The following ZNF804B variants were observed in gnomAD, a reference collection of about 807,000 sequenced individuals.
ZNF804B encodes zinc finger 804B.
Under a neutral mutation model 101.4 loss-of-function variants are expected in ZNF804B, and 80 were observed. The ratio of observed to expected loss-of-function variants is 0.79; its 90% CI spans 0.66 to 0.95. The LOEUF is 0.95. Among genes scored for constraint, ZNF804B ranks in the 40% least tolerant of loss-of-function variants. The pLI, the probability that ZNF804B is intolerant of heterozygous loss-of-function variation, is 0.00. For synonymous variants in ZNF804B, 622 were observed against 558.8 expected (o/e 1.11, Z -1.59); for missense variants, 1,673 against 1,561.9 (o/e 1.07, Z -1.20).
chr7:88,886,714 TTAAG>T lies in ZNF804B; in HGVS notation c.108+126634_108+126637del, dbSNP rs767845447. Among the ~76,000 whole-genome samples the T allele has an allele frequency of 1.6e-4, 25 of 151,518 alleles. No individual in the cohort carries two copies. The East Asian group carries it at 2.9e-3, about 18-fold the overall frequency. The stretch of plus-strand genomic sequence containing the variant: ...TCACAATGACAAGAAGATATTCTCT[TTAAG>T]TAATCTTAAGAAAACTATGAAAAGT... On this transcript the variant is annotated intron_variant, in intron 1 of 3. Coordinates refer to ENST00000333190, the MANE Select transcript of ZNF804B (RefSeq NM_181646.5).
At chr7:89,237,080 C>T (rs79864176) in intron 2 of ZNF804B, among the ~76,000 whole-genome samples, 7,207 of 151,348 alleles carry the variant, frequency 0.048, 548 homozygotes, top group African/African-American at 0.16. Context: ...GTGAAAATTA[C>T]GATAATAACA....
chr7:89,179,149 G>A (rs1788254691), intron 1 of ZNF804B, among the ~76,000 whole-genome samples: 1 of 152,024 alleles, frequency 6.6e-6, no homozygotes, highest in Admixed American at 6.5e-5. Context: ...TTTTATTTGG[G>A]TTAAATCTGC....
intron 1 of ZNF804B, among the ~76,000 whole-genome samples, chr7:89,022,490 C>T (rs1161483115): frequency 6.6e-6 from 1 of 151,976 alleles, no homozygotes; most frequent in East Asian, 1.9e-4. Context: ...CCTTCAATTA[C>T]TATATATTTT....
intron 1 of ZNF804B, among the ~76,000 whole-genome samples, chr7:89,198,396 T>A (rs569196786): frequency 5.4e-4 from 82 of 152,048 alleles, no homozygotes; most frequent in African/African-American, 1.8e-3. Context: ...TGCTCACTAT[T>A]TATGTTTACA....
At chr7:88,971,377 T>G (rs1370716604) in intron 1 of ZNF804B, among the ~76,000 whole-genome samples, 3 of 151,666 alleles carry the variant, frequency 2.0e-5, no homozygotes, top group Non-Finnish European at 3.0e-5. Flanking sequence ...AGACAATTTT[T>G]GACAATAAAG....
chr7:89,000,985 T>C (rs1007800209), intron 1 of ZNF804B, among the ~76,000 whole-genome samples: 30 of 147,516 alleles, frequency 2.0e-4, no homozygotes, highest in Non-Finnish European at 4.2e-4. Context: ...ATAATAAATG[T>C]ACAATCTATA....
At chr7:88,800,990 C>G (rs12672498) in intron 1 of ZNF804B, among the ~76,000 whole-genome samples, 8,448 of 147,550 alleles carry the variant, frequency 0.057, 437 homozygotes, top group East Asian at 0.3. Flanking sequence ...AAAGAAGAGG[C>G]TAACTCACAG....
intron 3 of ZNF804B, among the ~76,000 whole-genome samples, chr7:89,331,937 A>G (rs1371345662): frequency 6.6e-6 from 1 of 151,546 alleles, no homozygotes; most frequent in Non-Finnish European, 1.5e-5. Context: ...GTGCCCAAGA[A>G]CAAAAATTCA....
intron 1 of ZNF804B, among the ~76,000 whole-genome samples, chr7:88,793,055 AT>A (rs890045597): frequency 3.2e-4 from 48 of 152,184 alleles, no homozygotes; most frequent in Non-Finnish European, 4.9e-4. Flanking sequence ...TGAAAAAAAA[AT>A]AATAAAAAAT....
chr7:89,109,047 A>T (rs1215006711), intron 1 of ZNF804B, among the ~76,000 whole-genome samples: 1 of 152,188 alleles, frequency 6.6e-6, no homozygotes, highest in Non-Finnish European at 1.5e-5. Flanking sequence ...GGATGAAGTA[A>T]ATCATGTTTG....
At position 89,156,007 on chromosome 7, in the gene ZNF804B, CTT is replaced by C. The variant is rs1397864029; in HGVS notation, c.109-62146_109-62145del. On this transcript the variant is annotated intron_variant, in intron 1 of 3. Transcript: ENST00000333190. ...CCTTCCTTTCCTTCTTTCTTTCTTT[CTT>C]TCTCTCTTTCCTTTCTTTCTTTCTT... Among the ~76,000 whole-genome samples the C allele has an allele frequency of 1.1e-3, 130 of 117,556 alleles. 1 individual carries two copies. The highest frequency in any genetic ancestry group is 3.3e-3 in the African/African-American group (112 of 33,726). The allele number at this position is 117,556 out of a possible 152,430, so 77.1% of individuals were successfully genotyped here. A position where few individuals can be genotyped will look rare whatever the true frequency, so the allele number is the denominator to read the frequency against.
chr7:89,212,197 G>C (rs1377257323), intron 1 of ZNF804B, among the ~76,000 whole-genome samples: 2 of 151,632 alleles, frequency 1.3e-5, no homozygotes, highest in African/African-American at 4.9e-5. Context: ...TGTAGACTCA[G>C]GGGAAAATAG....
intron 1 of ZNF804B, among the ~76,000 whole-genome samples, chr7:88,966,965 T>C (rs1233389611): frequency 6.8e-6 from 1 of 147,942 alleles, no homozygotes; most frequent in Non-Finnish European, 1.5e-5. Context: ...ATTCTGGACT[T>C]TTTTTTTTTT....
At chr7:88,771,791 A>G (rs1231900847) in intron 1 of ZNF804B, among the ~76,000 whole-genome samples, 2 of 152,104 alleles carry the variant, frequency 1.3e-5, no homozygotes, top group African/African-American at 4.8e-5. Context: ...CATCATGTAG[A>G]TTTAGAACTG....
chr7:88,993,117 A>G (rs765447284), intron 1 of ZNF804B, among the ~76,000 whole-genome samples: 1 of 152,022 alleles, frequency 6.6e-6, no homozygotes, highest in Non-Finnish European at 1.5e-5. Context: ...TTCTTTATAT[A>G]TATGCTTTAT....
chr7:88,800,885 C>T (rs1790570123), intron 1 of ZNF804B, among the ~76,000 whole-genome samples: 2 of 151,850 alleles, frequency 1.3e-5, no homozygotes, highest in Admixed American at 1.3e-4. Context: ...GGTCTCTAGG[C>T]CAAAAATGTC....
intron 1 of ZNF804B, among the ~76,000 whole-genome samples, chr7:89,210,371 C>T (rs900270295): frequency 1.3e-5 from 2 of 151,940 alleles, no homozygotes; most frequent in South Asian, 2.1e-4. Flanking sequence ...TGGGTACATG[C>T]GCAGGATGTG....
chr7:88,899,787 C>T (rs1474828392), intron 1 of ZNF804B, among the ~76,000 whole-genome samples: 1 of 152,118 alleles, frequency 6.6e-6, no homozygotes, highest in Non-Finnish European at 1.5e-5. Flanking sequence ...ATATCTCCTT[C>T]TATGTACTAA....
chr7:88,837,955 T>G (rs6465163), intron 1 of ZNF804B, among the ~76,000 whole-genome samples: 26,247 of 151,642 alleles, frequency 0.17, 2,352 homozygotes, highest in African/African-American at 0.24. Context: ...AATACATGTA[T>G]TATTGTTTTA....
Sources: allele counts gnomAD v4.1 joint callset (sites outside exome capture counted in the v4.1 genomes callset), GRCh38; gene constraint gnomAD v4.1.1; transcripts MANE v1.5; gene names NCBI Gene and HGNC (gene_info 2026-07-23, HGNC 2026-07-21).